CPEB3: variants seen among roughly 807,000 people sequenced by gnomAD.
The protein encoded by CPEB3 is cytoplasmic polyadenylation element binding protein 3, also known as cytoplasmic polyadenylation element-binding protein 3.
CPEB3 carries 20 observed loss-of-function variants against 67.2 expected under a neutral mutation model. The observed-to-expected ratio is 0.30, with a 90% confidence interval of 0.21 to 0.43. The LOEUF (loss-of-function observed/expected upper bound fraction) is 0.43, where lower values mean the gene tolerates loss of function less well. Ranked by LOEUF, CPEB3 falls within the 20% of genes least tolerant of loss-of-function variation. CPEB3 has a pLI of 1.00. For missense variants in CPEB3, 746 were observed against 968.6 expected (o/e 0.77, Z 3.05); for synonymous variants, 376 against 393.1 (o/e 0.96, Z 0.51).
chr10:92,118,422 G>A (rs566713925), intron 6 of CPEB3, among the ~76,000 whole-genome samples: 48 of 152,226 alleles, frequency 3.2e-4, no homozygotes, highest in African/African-American at 1.1e-3. Flanking sequence ...GTGAGCCACC[G>A]TGCCCGGCCT....
intron 1 of CPEB3, among the ~76,000 whole-genome samples, chr10:92,289,936 G>C (rs1055334431): frequency 4.8e-5 from 6 of 125,334 alleles, no homozygotes; most frequent in African/African-American, 1.8e-4. Context: ...GGTGGGGGGG[G>C]GTGGGTGCTG....
intron 1 of CPEB3, among the ~76,000 whole-genome samples, chr10:92,250,212 C>T (rs1009804283): frequency 3.3e-5 from 5 of 151,456 alleles, no homozygotes; most frequent in South Asian, 2.1e-4. Context: ...CTCAGCCTCC[C>T]GAGTAGCTGG....
chr10:92,235,551 A>T (rs1851490478), intron 2 of CPEB3, among the ~76,000 whole-genome samples: 1 of 152,232 alleles, frequency 6.6e-6, no homozygotes, highest in East Asian at 1.9e-4. Flanking sequence ...ATACTTTACT[A>T]TGGGCCAGGC....
At chr10:92,255,476 A>G (rs1852477326) in intron 1 of CPEB3, among the ~76,000 whole-genome samples, 1 of 152,216 alleles carries the variant, frequency 6.6e-6, no homozygotes, top group Admixed American at 6.5e-5. Context: ...TTCTGATAAG[A>G]ATTTAAGATG....
chr10:92,280,049 CAGAG>C (rs1425837194), intron 1 of CPEB3, among the ~76,000 whole-genome samples: 1 of 150,856 alleles, frequency 6.6e-6, no homozygotes. Context: ...GAGAAAGAGA[CAGAG>C]AGAGAGAGGC....
At chr10:92,286,570 G>A (rs1842533691) in intron 1 of CPEB3, among the ~76,000 whole-genome samples, 2 of 145,548 alleles carry the variant, frequency 1.4e-5, no homozygotes, top group Admixed American at 7.0e-5. Context: ...GGGCAGCAGA[G>A]CAAGACTCTA....
intron 3 of CPEB3, among the ~76,000 whole-genome samples, chr10:92,184,231 T>C (rs1435209756): frequency 6.6e-6 from 1 of 152,246 alleles, no homozygotes; most frequent in Non-Finnish European, 1.5e-5. Context: ...ACTTTTTACC[T>C]TTCTTGGTAT....
chr10:92,061,067 T>C (rs533590532), intron 9 of CPEB3, among the ~76,000 whole-genome samples: 6 of 152,198 alleles, frequency 3.9e-5, no homozygotes, highest in Non-Finnish European at 7.3e-5. Context: ...TGCACTCCTA[T>C]GTTTGTTGCA....
Position 92,291,007 on chromosome 10 carries a change from A to C in CPEB3, c.-93T>G. On this transcript the variant is annotated 5_prime_UTR_variant, in exon 1 of 10. Transcript: ENST00000265997. ...AAAGACATTTTTTCCCCCTGGAGGA[A>C]GGAAACGGGAGGGCGCCGGCCAGAC... is the stretch of plus-strand genomic sequence containing the variant. 6.0e-6 allele frequency: 1 copy of C among 166,986 alleles called. No individual in the cohort carries two copies. The highest frequency in any genetic ancestry group is 1.3e-5 in the Non-Finnish European group (1 of 77,096). 10.3% of individuals were successfully genotyped at this position (166,986 alleles called of 1,614,324 possible). A position where few individuals can be genotyped will look rare whatever the true frequency, so the allele number is the denominator to read the frequency against.
At chr10:92,083,592 T>A (rs1487018356) in intron 8 of CPEB3, among the ~76,000 whole-genome samples, 1 of 152,218 alleles carries the variant, frequency 6.6e-6, no homozygotes, top group East Asian at 1.9e-4. Context: ...TTTCCCTTAT[T>A]GGTTGAATGG....
intron 1 of CPEB3, among the ~76,000 whole-genome samples, chr10:92,263,664 T>C (rs1453058454): frequency 6.6e-6 from 1 of 152,174 alleles, no homozygotes; most frequent in Non-Finnish European, 1.5e-5. Flanking sequence ...GTGGGACATA[T>C]TCTTACACAG....
rs554286632 is a variant in CPEB3, at chr10:92,135,782, C to T, written c.1453+7247G>A. Among the ~76,000 whole-genome samples the T allele has an allele frequency of 5.3e-5, 8 of 152,162 alleles. No homozygotes were observed. In the South Asian group the frequency reaches 6.2e-4, roughly 12 times the overall value. ...AACCAAAATGTCCATCAATGATAGA[C>T]TGGATTAAGAAAATGTGGCACATAT... On this transcript the variant is annotated intron_variant, in intron 6 of 9. Coordinates refer to ENST00000265997, the MANE Select transcript of CPEB3 (RefSeq NM_014912.5).
At chr10:92,231,781 G>A (rs768869381) in intron 2 of CPEB3, among the ~76,000 whole-genome samples, 15 of 151,808 alleles carry the variant, frequency 9.9e-5, no homozygotes, top group African/African-American at 3.6e-4. Flanking sequence ...GTGCAATGGC[G>A]CGATCTCGGC....
At chr10:92,163,150 C>T (rs1259083936) in intron 4 of CPEB3, among the ~76,000 whole-genome samples, 1 of 152,236 alleles carries the variant, frequency 6.6e-6, no homozygotes, top group East Asian at 1.9e-4. Context: ...ATCCCCTGTG[C>T]TCCGCAAGGC....
intron 1 of CPEB3, among the ~76,000 whole-genome samples, chr10:92,247,244 G>A (rs1852110719): frequency 6.6e-6 from 1 of 152,242 alleles, no homozygotes; most frequent in East Asian, 1.9e-4. Flanking sequence ...CTGAGACAGA[G>A]TCTTGCTGTG....
At chr10:92,237,020 A>G (rs925328531) in intron 2 of CPEB3, among the ~76,000 whole-genome samples, 1 of 152,254 alleles carries the variant, frequency 6.6e-6, no homozygotes, top group Non-Finnish European at 1.5e-5. Flanking sequence ...TTGCCAGAAT[A>G]AATATTTTGA....
chr10:92,262,228 G>A (rs1387109762), intron 1 of CPEB3, among the ~76,000 whole-genome samples: 1 of 151,932 alleles, frequency 6.6e-6, no homozygotes, highest in Admixed American at 6.6e-5. Flanking sequence ...ACAGTAACAG[G>A]GTATCAACAT....
At chr10:92,174,270 C>T (rs1472415720) in intron 4 of CPEB3, among the ~76,000 whole-genome samples, 3 of 152,238 alleles carry the variant, frequency 2.0e-5, no homozygotes, top group Admixed American at 6.5e-5. Flanking sequence ...GGAGGCTCTG[C>T]AGCCACACAG....
At chr10:92,188,827 A>T (rs1175013154) in intron 3 of CPEB3, among the ~76,000 whole-genome samples, 1 of 152,226 alleles carries the variant, frequency 6.6e-6, no homozygotes, top group Non-Finnish European at 1.5e-5. Flanking sequence ...TGCTGTGAAG[A>T]AAGTTCAATT....
Sources: allele counts gnomAD v4.1 joint callset (sites outside exome capture counted in the v4.1 genomes callset), GRCh38; gene constraint gnomAD v4.1.1; transcripts MANE v1.5; gene names NCBI Gene and HGNC (gene_info 2026-07-23, HGNC 2026-07-21).